EGFR: variants seen among roughly 807,000 people sequenced by gnomAD.
The protein encoded by EGFR is epidermal growth factor receptor.
A neutral mutation model predicts 143.0 loss-of-function variants in EGFR; 58 were observed. The ratio of observed to expected loss-of-function variants is 0.41; its 90% CI spans 0.33 to 0.50. The LOEUF (loss-of-function observed/expected upper bound fraction) is 0.50. EGFR is among the 20% of genes least tolerant of loss of function. The probability of loss-of-function intolerance (pLI) is 0.39; values close to 1 mark genes in which losing one functional copy is unlikely to be tolerated. For missense variants in EGFR, 1,307 were observed against 1,579.0 expected (o/e 0.83, Z 2.92); for synonymous variants, 613 against 594.4 (o/e 1.03, Z -0.45).
At position 55,156,975 on chromosome 7, in the gene EGFR, A is replaced by C. The variant is rs1234120376; in HGVS notation, c.1207+143A>C. 3 of 1,521,196 alleles carry C rather than the reference A, an allele frequency of 2.0e-6. No homozygotes were observed. The South Asian group carries it at 3.8e-5, about 19-fold the overall frequency. 94.2% of individuals were successfully genotyped at this position (1,521,196 alleles called of 1,614,324 possible). On this transcript the variant is annotated intron_variant, in intron 10 of 27. Transcript: ENST00000275493. ...AATGGCTGATGTTTTGATATTTTTC[A>C]AAAGTGCAGTTTCTCCTGCAGGCAA...
chr7:55,203,199 C>T (rs1182062475), intron 27 of EGFR: 1 of 235,902 alleles, frequency 4.2e-6, no homozygotes, highest in Non-Finnish European at 8.3e-6. Context: ...CATGCACACA[C>T]ATATACACAC....
At chr7:55,175,761 C>G (rs1313955931) in intron 19 of EGFR, among the ~76,000 whole-genome samples, 1 of 152,214 alleles carries the variant, frequency 6.6e-6, no homozygotes, top group Non-Finnish European at 1.5e-5. Flanking sequence ...GTCTAACCCA[C>G]AGAATACATA....
chr7:55,201,389 CTG>C, intron 25 of EGFR, 34 bp downstream of exon 25: 2 of 1,613,570 alleles, frequency 1.2e-6, no homozygotes, highest in African/African-American at 1.3e-5. Flanking sequence ...CTCTCTCAAG[CTG>C]TGTCTACTCA....
In EGFR at chr7:55,201,920, G is replaced by A. The variant is rs949827958; in HGVS notation, c.3162+138G>A. 1.3e-5 allele frequency: 13 copies of A among 1,029,264 alleles called. No individual in the cohort carries two copies. In the Middle Eastern group the frequency reaches 6.6e-4, roughly 52 times the overall value. 63.8% of individuals were successfully genotyped at this position (1,029,264 alleles called of 1,614,324 possible). A position where few individuals can be genotyped will look rare whatever the true frequency, so the allele number is the denominator to read the frequency against. ...TCCTGTGTGGGTTTTTCCCTGCACGGCTGTCACGCCTCACAGTGCCGTTCA... is the reference window on the plus strand; with the variant it reads ...TCCTGTGTGGGTTTTTCCCTGCACGACTGTCACGCCTCACAGTGCCGTTCA... On this transcript the variant is annotated intron_variant, in intron 26 of 27. Transcript: ENST00000275493.
chr7:55,146,484 G>A (rs577336671), intron 3 of EGFR, 122 bp from the exon 4 acceptor site: 31 of 1,498,200 alleles, frequency 2.1e-5, no homozygotes, highest in South Asian at 3.6e-5. Flanking sequence ...GGCTAATTGC[G>A]GGACTCTTGT....
chr7:55,034,613 C>T (rs557301111), intron 1 of EGFR, among the ~76,000 whole-genome samples: 5 of 152,260 alleles, frequency 3.3e-5, no homozygotes, highest in East Asian at 3.9e-4. Context: ...ATAAGGCCTG[C>T]GCGTGTTATA....
chr7:55,019,390 C>A (rs1283756329), intron 1 of EGFR, 25 bp downstream of exon 1: 1 of 1,379,072 alleles, frequency 7.3e-7, no homozygotes, highest in East Asian at 3.5e-5. Context: ...CGCCGGCTCC[C>A]GCGCCGCCCC....
intron 1 of EGFR, among the ~76,000 whole-genome samples, chr7:55,113,042 AAAG>A (rs1387410094): frequency 2.0e-5 from 3 of 152,188 alleles, no homozygotes; most frequent in African/African-American, 7.2e-5. Context: ...TTGAGAATGA[AAAG>A]GAGGAGATGT....
chr7:55,021,080 C>T (rs1324843897), intron 1 of EGFR, among the ~76,000 whole-genome samples: 3 of 152,018 alleles, frequency 2.0e-5, no homozygotes, highest in Non-Finnish European at 4.4e-5. Flanking sequence ...CTTGCCAATG[C>T]TAAGAGCTCT....
In EGFR at chr7:55,174,418, T is replaced by A. The variant is rs553491575; in HGVS notation, c.2185-304T>A. 2.6e-5 allele frequency among the ~76,000 whole-genome samples: 4 copies of A among 152,366 alleles called. No homozygotes were observed. The East Asian group carries it at 7.7e-4, about 29-fold the overall frequency. On this transcript the variant is annotated intron_variant, in intron 18 of 27. Transcript: ENST00000275493. ...GATCCTCTTTGCATGAAATCTGATT[T>A]CAGTTAGGCCTAGACGCAGCATCAT...
chr7:55,155,961 G>C lies in EGFR; in HGVS notation c.1006+15G>C, dbSNP rs369345006. The stretch of plus-strand genomic sequence containing the variant: ...TTGCCGCAAAGGTAGGAAGCCCGCC[G>C]GTGTGCGGACGAGGCTTGTTCTCGG... On this transcript the variant is annotated intron_variant, in intron 8 of 27. Coordinates refer to ENST00000275493, the MANE Select transcript of EGFR (RefSeq NM_005228.5). 1.9e-5 allele frequency: 31 copies of C among 1,598,130 alleles called. No homozygotes were observed. Among genetic ancestry groups the C allele is most frequent in the Non-Finnish European group, 2.5e-5 (29 of 1,167,296 alleles).
intron 19 of EGFR, among the ~76,000 whole-genome samples, chr7:55,178,713 C>G (rs539857596): frequency 9.9e-5 from 15 of 152,270 alleles, no homozygotes; most frequent in Admixed American, 8.5e-4. Context: ...CTACTGAGTC[C>G]ACAGATATTA....
intron 1 of EGFR, among the ~76,000 whole-genome samples, chr7:55,115,387 A>G (rs1170542087): frequency 6.6e-6 from 1 of 152,208 alleles, no homozygotes; most frequent in African/African-American, 2.4e-5. Context: ...AACGCCAAGC[A>G]CATTGCCTAC....
chr7:55,112,601 C>T (rs73135263), intron 1 of EGFR, among the ~76,000 whole-genome samples: 2 of 152,144 alleles, frequency 1.3e-5, no homozygotes, highest in South Asian at 2.1e-4. Context: ...AGTGGCTGGC[C>T]GAGCCTCAGC....
intron 4 of EGFR, 115 bp downstream of exon 4, chr7:55,146,855 A>T: frequency 7.0e-6 from 10 of 1,421,268 alleles, no homozygotes; most frequent in Non-Finnish European, 9.7e-6. Context: ...AGAAACAAAA[A>T]GTAGTAAGCA....
intron 21 of EGFR, 29 bp from the exon 22 acceptor site, chr7:55,192,737 C>T: frequency 6.2e-7 from 1 of 1,600,756 alleles, no homozygotes; most frequent in Non-Finnish European, 8.6e-7. Flanking sequence ...TAATAGTTGT[C>T]TCACTGCCTC....
chr7:55,086,699 G>A (rs1790781662), intron 1 of EGFR, among the ~76,000 whole-genome samples: 1 of 152,224 alleles, frequency 6.6e-6, no homozygotes, highest in Non-Finnish European at 1.5e-5. Flanking sequence ...CTGTGGAGGC[G>A]GCACACTTGG....
intron 1 of EGFR, among the ~76,000 whole-genome samples, chr7:55,115,415 T>G (rs1792775607): frequency 1.3e-5 from 2 of 152,224 alleles, no homozygotes; most frequent in Admixed American, 6.5e-5. Context: ...AAATATTCAG[T>G]CAATGGCTGC....
intron 20 of EGFR, among the ~76,000 whole-genome samples, chr7:55,187,855 G>A (rs1481770883): frequency 1.3e-5 from 2 of 152,198 alleles, no homozygotes; most frequent in African/African-American, 4.8e-5. Context: ...GGGCTAAAAG[G>A]TTGAGGGGAG....
Sources: gnomAD v4.1 joint callset for allele counts (sites outside exome capture counted in the v4.1 genomes callset) on GRCh38, gnomAD v4.1.1 for gene constraint, MANE v1.5 for transcripts, NCBI Gene and HGNC (gene_info 2026-07-23, HGNC 2026-07-21) for gene names.